Variants in LRRC4C observed in about 807,000 individuals in gnomAD.
LRRC4C encodes the protein leucine-rich repeat-containing protein 4C.
Under a neutral mutation model 33.6 loss-of-function variants are expected in LRRC4C, and 5 were observed. The ratio of observed to expected loss-of-function variants is 0.15; its 90% CI spans 0.08 to 0.31. The LOEUF is 0.31. Ranked by LOEUF, LRRC4C falls within the 10% of genes least tolerant of loss-of-function variation. The probability of loss-of-function intolerance (pLI) is 1.00; values close to 1 mark genes in which losing one functional copy is unlikely to be tolerated. For synonymous variants in LRRC4C, 329 were observed against 302.0 expected, an observed-to-expected ratio of 1.09 and a Z score of -0.93; for missense variants, 560 against 796.7, an observed-to-expected ratio of 0.70 and a Z score of 3.58.
chr11:40,853,132 T>C (rs914666670), intron 2 of LRRC4C, among the ~76,000 whole-genome samples: 5 of 152,128 alleles, frequency 3.3e-5, no homozygotes, highest in African/African-American at 1.2e-4. Flanking sequence ...GTCAAATATT[T>C]GTGGTGCTGT....
chr11:41,437,289 T>C (rs1249847113), intron 1 of LRRC4C, among the ~76,000 whole-genome samples: 1 of 152,212 alleles, frequency 6.6e-6, no homozygotes, highest in African/African-American at 2.4e-5. Flanking sequence ...TTGTACAGTC[T>C]AGTCTCTCTG....
chr11:40,691,062 C>A (rs1263949274), intron 2 of LRRC4C, among the ~76,000 whole-genome samples: 1 of 152,014 alleles, frequency 6.6e-6, no homozygotes, highest in Non-Finnish European at 1.5e-5. Flanking sequence ...TGCAGGTCCC[C>A]TCGACCATGT....
At position 40,633,355 on chromosome 11, in the gene LRRC4C, T is replaced by C. The variant is rs200865025; in HGVS notation, c.-270+14787A>G. ...TTTCTTTCTTTCTTTCTTTCTTTCT[T>C]TCTTTCTTTCTTTCTTTCTCTCTCT... is the stretch of plus-strand genomic sequence containing the variant. On this transcript the variant is annotated intron_variant, in intron 3 of 6. Coordinates refer to ENST00000528697, the MANE Select transcript of LRRC4C (RefSeq NM_001258419.2). Among the ~76,000 whole-genome samples, 69 of 41,822 alleles carry C rather than the reference T, an allele frequency of 1.6e-3. 5 individuals are homozygous for C. The highest frequency in any genetic ancestry group is 4.4e-3 in the African/African-American group (34 of 7,696). The allele number at this position is 41,822 out of a possible 152,430, so 27.4% of individuals were successfully genotyped here. A position where few individuals can be genotyped will look rare whatever the true frequency, so the allele number is the denominator to read the frequency against.
chr11:40,263,128 A>G (rs1456257937), intron 4 of LRRC4C, among the ~76,000 whole-genome samples: 1 of 152,232 alleles, frequency 6.6e-6, no homozygotes. Context: ...ATAAATATTA[A>G]TCTATTGGCT....
intron 1 of LRRC4C, among the ~76,000 whole-genome samples, chr11:41,284,050 C>G (rs1211990971): frequency 6.6e-6 from 1 of 152,098 alleles, no homozygotes; most frequent in African/African-American, 2.4e-5. Flanking sequence ...AGATAAAACA[C>G]TAGATAAAAT....
At chr11:40,573,857 C>CT (rs1029208516) in intron 3 of LRRC4C, among the ~76,000 whole-genome samples, 15 of 151,392 alleles carry the variant, frequency 9.9e-5, no homozygotes, top group South Asian at 8.4e-4. Flanking sequence ...CTACAGTCAT[C>CT]TTTTTTTTTC....
Position 41,088,338 on chromosome 11 carries a change from T to A in LRRC4C, c.-495-154615A>T, listed in dbSNP as rs1940155562. ...ATAATGCCTATTTCCTATTTTCTTG[T>A]TTTTGATTTTTTAAGAAAATATTAA... On this transcript the variant is annotated intron_variant, in intron 1 of 6. Transcript: ENST00000528697. Among the ~76,000 whole-genome samples the A allele has an allele frequency of 2.0e-5, 3 of 152,126 alleles. No homozygotes were observed. In the South Asian group the frequency reaches 6.2e-4, roughly 31 times the overall value.
chr11:40,937,353 A>G (rs1043622116), intron 1 of LRRC4C, among the ~76,000 whole-genome samples: 2 of 152,226 alleles, frequency 1.3e-5, no homozygotes, highest in African/African-American at 4.8e-5. Context: ...TTGAAAAACT[A>G]CCTATCAGGT....
At chr11:40,743,275 T>C (rs1948250583) in intron 2 of LRRC4C, among the ~76,000 whole-genome samples, 1 of 152,070 alleles carries the variant, frequency 6.6e-6, no homozygotes, top group South Asian at 2.1e-4. Flanking sequence ...TGTAAGCTCA[T>C]GTCATTCTTA....
chr11:40,265,015 GT>G (rs1456202155), intron 4 of LRRC4C, among the ~76,000 whole-genome samples: 5 of 152,168 alleles, frequency 3.3e-5, no homozygotes, highest in Non-Finnish European at 5.9e-5. Flanking sequence ...CAGTCCAAGT[GT>G]TTTTTGTTCT....
At chr11:41,241,238 C>T (rs1358202311) in intron 1 of LRRC4C, among the ~76,000 whole-genome samples, 1 of 152,014 alleles carries the variant, frequency 6.6e-6, no homozygotes, top group Non-Finnish European at 1.5e-5. Context: ...TGTAGCTACC[C>T]AGGAGGAATA....
At chr11:40,768,359 G>T (rs1355374349) in intron 2 of LRRC4C, among the ~76,000 whole-genome samples, 1 of 152,004 alleles carries the variant, frequency 6.6e-6, no homozygotes, top group Non-Finnish European at 1.5e-5. Flanking sequence ...GGACCTGGTG[G>T]TTTCACTGAT....
chr11:40,302,106 T>C (rs573698930), intron 4 of LRRC4C, among the ~76,000 whole-genome samples: 39 of 152,158 alleles, frequency 2.6e-4, no homozygotes, highest in Non-Finnish European at 4.3e-4. Flanking sequence ...CAATAAGAGA[T>C]AAAATAAATA....
chr11:40,521,003 A>G (rs749593927), intron 3 of LRRC4C, among the ~76,000 whole-genome samples: 6 of 152,132 alleles, frequency 3.9e-5, no homozygotes, highest in Non-Finnish European at 7.4e-5. Context: ...AGCCAAATCC[A>G]TTGCTTAAAA....
intron 1 of LRRC4C, among the ~76,000 whole-genome samples, chr11:41,333,154 G>A (rs1335840753): frequency 6.6e-6 from 1 of 152,148 alleles, no homozygotes; most frequent in Admixed American, 6.5e-5. Flanking sequence ...AAATGAGGAT[G>A]TTTCTTTGTA....
intron 1 of LRRC4C, among the ~76,000 whole-genome samples, chr11:41,155,472 T>G (rs1240552318): frequency 1.3e-5 from 2 of 152,150 alleles, no homozygotes; most frequent in Non-Finnish European, 2.9e-5. Context: ...TTTAAAGGTC[T>G]GCCTGAATCA....
In LRRC4C at chr11:40,738,977, C is replaced by T. The variant is rs186873845; in HGVS notation, c.-406-90699G>A. On this transcript the variant is annotated intron_variant, in intron 2 of 6. Transcript: ENST00000528697. ...AAATGATTAACGTAATCAAACTAAT[C>T]GACATATCTGTCACTGCACATAATT... 4.0e-5 allele frequency among the ~76,000 whole-genome samples: 6 copies of T among 151,374 alleles called. No individual in the cohort carries two copies. The East Asian group carries it at 5.9e-4, about 15-fold the overall frequency.
intron 2 of LRRC4C, among the ~76,000 whole-genome samples, chr11:40,748,474 A>C (rs1207483440): frequency 6.6e-6 from 1 of 152,092 alleles, no homozygotes; most frequent in Non-Finnish European, 1.5e-5. Context: ...TATAAAACTA[A>C]CTGGTAAAGC....
intron 1 of LRRC4C, among the ~76,000 whole-genome samples, chr11:41,377,029 A>G (rs2137843544): frequency 6.6e-6 from 1 of 152,278 alleles, no homozygotes; most frequent in Non-Finnish European, 1.5e-5. Flanking sequence ...TCTGAACTAA[A>G]TATTTATTTT....
Sources: allele counts gnomAD v4.1 joint callset (sites outside exome capture counted in the v4.1 genomes callset), GRCh38; gene constraint gnomAD v4.1.1; transcripts MANE v1.5; gene names NCBI Gene and HGNC (gene_info 2026-07-23, HGNC 2026-07-21).